The following KIRREL3 variants were observed in gnomAD, a reference collection of about 807,000 sequenced individuals.
KIRREL3 encodes kin of IRRE-like protein 3.
Under a neutral mutation model 89.7 loss-of-function variants are expected in KIRREL3, and 36 were observed. The observed-to-expected ratio is 0.40, with a 90% confidence interval of 0.31 to 0.53. KIRREL3 has a LOEUF of 0.53. KIRREL3 is among the 20% of genes least tolerant of loss of function. The pLI is 0.49. For synonymous variants in KIRREL3, 445 were observed against 441.4 expected (o/e 1.01, Z -0.10); for missense variants, 864 against 1,056.6 (o/e 0.82, Z 2.53).
intron 1 of KIRREL3, among the ~76,000 whole-genome samples, chr11:126,824,985 T>C (rs1385374620): frequency 3.3e-5 from 5 of 152,230 alleles, no homozygotes; most frequent in Admixed American, 6.5e-5. Flanking sequence ...ATCTTTGTAG[T>C]TATCTTATTT....
At position 126,565,653 on chromosome 11, in the gene KIRREL3, T is replaced by G. The variant is rs1940463437; in HGVS notation, c.56-2741A>C. 6.6e-6 allele frequency among the ~76,000 whole-genome samples: 1 copy of G among 152,204 alleles called. No individual in the cohort carries two copies. The highest frequency in any genetic ancestry group is 2.4e-5 in the African/African-American group (1 of 41,452). On this transcript the variant is annotated intron_variant, in intron 1 of 16. Transcript: ENST00000525144. The surrounding 1 kb of genome is among the most constrained non-coding windows in gnomAD (Gnocchi z 5.4). ...GAGGATGAGTGAAGTGAGAATTAGTTAATTGTCCATATATGAAAATTTGGG... is the reference window on the plus strand; with the variant it reads ...GAGGATGAGTGAAGTGAGAATTAGTGAATTGTCCATATATGAAAATTTGGG...
intron 1 of KIRREL3, among the ~76,000 whole-genome samples, chr11:126,789,550 C>T (rs906136219): frequency 1.3e-5 from 2 of 152,188 alleles, no homozygotes; most frequent in Admixed American, 1.3e-4. Flanking sequence ...TGAGCCTACT[C>T]TTTCTGGTTT....
rs1005592810 is a variant in KIRREL3, at chr11:126,997,178, G to C, written c.55+3277C>G. The stretch of plus-strand genomic sequence containing the variant: ...GAGGGCACAGAAGGAAATAGTTGTG[G>C]GTGAACTGAAATGATAAAGAGGAAA... On this transcript the variant is annotated intron_variant, in intron 1 of 16. Transcript: ENST00000525144. The surrounding 1 kb of genome is among the most constrained non-coding windows in gnomAD (Gnocchi z 4.3). 6.6e-6 allele frequency among the ~76,000 whole-genome samples: 1 copy of C among 152,160 alleles called. No individual in the cohort carries two copies. The highest frequency in any genetic ancestry group is 1.5e-5 in the Non-Finnish European group (1 of 68,032).
chr11:126,667,823 A>G (rs1233605531), intron 1 of KIRREL3, among the ~76,000 whole-genome samples: 1 of 152,182 alleles, frequency 6.6e-6, no homozygotes, highest in East Asian at 1.9e-4. Flanking sequence ...CAGGAGTGGG[A>G]TGACCCTCTG....
chr11:126,831,570 G>T (rs1036954647), intron 1 of KIRREL3, among the ~76,000 whole-genome samples: 5 of 152,052 alleles, frequency 3.3e-5, no homozygotes, highest in African/African-American at 1.2e-4. Flanking sequence ...ATTCTAAGAG[G>T]ACCAAGACAC....
intron 1 of KIRREL3, among the ~76,000 whole-genome samples, chr11:126,602,859 A>G (rs1259137410): frequency 2.0e-5 from 3 of 152,158 alleles, no homozygotes; most frequent in African/African-American, 4.8e-5. Context: ...GCTCTGGAAA[A>G]GTTTAAGGCC....
In KIRREL3 at chr11:126,747,907, C is replaced by G. The variant is rs752326151; in HGVS notation, c.56-184995G>C. The stretch of plus-strand genomic sequence containing the variant: ...AAGACTCCCCTCCAGACAGGCGTTG[C>G]GGTCTTTCCCTATCCCACAGGGTCT... On this transcript the variant is annotated intron_variant, in intron 1 of 16. Transcript: ENST00000525144. This position sits in a 1 kb window ranked among gnomAD's most constrained non-coding sequence, Gnocchi z 4.7. Among the ~76,000 whole-genome samples the G allele has an allele frequency of 3.3e-5, 5 of 152,120 alleles. No individual in the cohort carries two copies. The highest frequency in any genetic ancestry group is 1.2e-4 in the African/African-American group (5 of 41,430).
intron 1 of KIRREL3, among the ~76,000 whole-genome samples, chr11:126,806,215 A>G (rs1481600113): frequency 6.6e-6 from 1 of 152,206 alleles, no homozygotes; most frequent in Non-Finnish European, 1.5e-5. Context: ...CATGGAGGTA[A>G]TAAAACCATG....
chr11:126,531,812 C>G lies in KIRREL3; in HGVS notation c.134-5125G>C, dbSNP rs1958952467. On this transcript the variant is annotated intron_variant, in intron 2 of 16. Coordinates refer to ENST00000525144, the MANE Select transcript of KIRREL3 (RefSeq NM_032531.4). The surrounding 1 kb of genome is among the most constrained non-coding windows in gnomAD (Gnocchi z 4.7). ...TCTTGAGGGCAGGGGCCACAGCTAT[C>G]TTTTCTGTCTTGTGTTCCCAGCTGT... 6.6e-6 allele frequency among the ~76,000 whole-genome samples: 1 copy of G among 152,238 alleles called. No homozygotes were observed. Among genetic ancestry groups the G allele is most frequent in the African/African-American group, 2.4e-5 (1 of 41,450 alleles).
Position 126,696,071 on chromosome 11 carries a change from T to C in KIRREL3, c.56-133159A>G, listed in dbSNP as rs868295188. On this transcript the variant is annotated intron_variant, in intron 1 of 16. Coordinates refer to ENST00000525144, the MANE Select transcript of KIRREL3 (RefSeq NM_032531.4). The surrounding 1 kb of genome is among the most constrained non-coding windows in gnomAD (Gnocchi z 4.4). ...GAGTTCAAGACCAGCCTGACCAACATGGTGAAACCCCATCTCTACTAAAAA... is the reference window on the plus strand; with the variant it reads ...GAGTTCAAGACCAGCCTGACCAACACGGTGAAACCCCATCTCTACTAAAAA... Among the ~76,000 whole-genome samples the C allele has an allele frequency of 1.3e-5, 2 of 152,016 alleles. No homozygotes were observed. The highest frequency in any genetic ancestry group is 3.4e-3 in the Middle Eastern group (1 of 294).
rs1391616617 is a variant in KIRREL3, at chr11:126,999,815, A to C, written c.55+640T>G. On this transcript the variant is annotated intron_variant, in intron 1 of 16. Coordinates refer to ENST00000525144, the MANE Select transcript of KIRREL3 (RefSeq NM_032531.4). This position sits in a 1 kb window ranked among gnomAD's most constrained non-coding sequence, Gnocchi z 5.7. ...AAGGAAACCATCAGCACCACGGGCGAAATTTCATTTTATACCCTGAATTCA... is the reference window on the plus strand; with the variant it reads ...AAGGAAACCATCAGCACCACGGGCGCAATTTCATTTTATACCCTGAATTCA... Among the ~76,000 whole-genome samples, 1 of 152,192 alleles carries C rather than the reference A, an allele frequency of 6.6e-6. No homozygotes were observed. The highest frequency in any genetic ancestry group is 2.4e-5 in the African/African-American group (1 of 41,438).
intron 1 of KIRREL3, among the ~76,000 whole-genome samples, chr11:126,886,981 C>T (rs1945719975): frequency 1.3e-5 from 2 of 152,250 alleles, no homozygotes; most frequent in Middle Eastern, 3.4e-3. Context: ...TTGTTCTGAG[C>T]AGGCTCCAGA....
chr11:126,436,679 A>T (rs981364120), intron 12 of KIRREL3, 132 bp downstream of exon 12: 50 of 941,370 alleles, frequency 5.3e-5, no homozygotes, highest in Non-Finnish European at 6.9e-5. Flanking sequence ...CTGTGTGGTC[A>T]GCCAGGAAGA....
At chr11:126,617,996 G>A (rs1051418654) in intron 1 of KIRREL3, among the ~76,000 whole-genome samples, 1 of 152,188 alleles carries the variant, frequency 6.6e-6, no homozygotes, top group African/African-American at 2.4e-5. Context: ...CCTGGTGGGA[G>A]GTGATTGGAT....
intron 1 of KIRREL3, among the ~76,000 whole-genome samples, chr11:126,756,993 G>A (rs1191529786): frequency 6.6e-6 from 1 of 151,948 alleles, no homozygotes; most frequent in Non-Finnish European, 1.5e-5. Flanking sequence ...TCCAACAAAT[G>A]CGGCTCCAAT....
chr11:126,974,391 A>C (rs1949511081), intron 1 of KIRREL3, among the ~76,000 whole-genome samples: 1 of 152,102 alleles, frequency 6.6e-6, no homozygotes, highest in Non-Finnish European at 1.5e-5. Flanking sequence ...GAGTACACTT[A>C]CACCAACTTA....
rs1946218553 is a variant in KIRREL3, at chr11:126,897,606, T to G, written c.55+102849A>C. 6.6e-6 allele frequency among the ~76,000 whole-genome samples: 1 copy of G among 152,174 alleles called. No individual in the cohort carries two copies. Among genetic ancestry groups the G allele is most frequent in the Admixed American group, 6.5e-5 (1 of 15,290 alleles). ...CAGACCATTAGGGTATTTTTATTTC[T>G]CTTCTCTCCATGTTGCACAATACCA... is the stretch of plus-strand genomic sequence containing the variant. On this transcript the variant is annotated intron_variant, in intron 1 of 16. Transcript: ENST00000525144. This position sits in a 1 kb window ranked among gnomAD's most constrained non-coding sequence, Gnocchi z 4.2.
chr11:126,705,648 A>AACTGC lies in KIRREL3; in HGVS notation c.56-142737_56-142736insGCAGT, dbSNP rs113715039. The stretch of plus-strand genomic sequence containing the variant: ...CTTTATAGTAATGTAAGAATGGTCT[A>AACTGC]ACACTACGTATGTGCAAGTGTATAT... On this transcript the variant is annotated intron_variant, in intron 1 of 16. Coordinates refer to ENST00000525144, the MANE Select transcript of KIRREL3 (RefSeq NM_032531.4). This position sits in a 1 kb window ranked among gnomAD's most constrained non-coding sequence, Gnocchi z 4.3. 0.016 allele frequency among the ~76,000 whole-genome samples: 2,362 copies of AACTGC among 152,342 alleles called. 55 individuals are homozygous for AACTGC. The highest frequency in any genetic ancestry group is 0.047 in the African/African-American group (1,937 of 41,568).
At chr11:126,899,525 T>C (rs1251236475) in intron 1 of KIRREL3, among the ~76,000 whole-genome samples, 1 of 152,204 alleles carries the variant, frequency 6.6e-6, no homozygotes, top group Non-Finnish European at 1.5e-5. Context: ...ACTTTTCTCC[T>C]TCCATCTAAC....
Sources: gnomAD v4.1 joint callset for allele counts (sites outside exome capture counted in the v4.1 genomes callset) on GRCh38, gnomAD v4.1.1 for gene constraint, Gnocchi (gnomAD v3.1) non-coding constraint, MANE v1.5 for transcripts, NCBI Gene and HGNC (gene_info 2026-07-23, HGNC 2026-07-21) for gene names.